Variants in LRGUK observed in about 807,000 individuals in gnomAD.
LRGUK encodes leucine-rich repeat and guanylate kinase domain-containing protein.
Under a neutral mutation model 76.0 loss-of-function variants are expected in LRGUK, and 65 were observed. That is an observed-to-expected ratio of 0.85 (90% CI 0.70 to 1.05). LRGUK has a LOEUF of 1.05. Ranked by LOEUF, LRGUK falls within the 50% of genes least tolerant of loss-of-function variation. The pLI is 0.00. For missense variants in LRGUK, 758 were observed against 732.8 expected, an observed-to-expected ratio of 1.03 and a Z score of -0.40; for synonymous variants, 268 against 265.6, an observed-to-expected ratio of 1.01 and a Z score of -0.09.
At chr7:134,161,312 T>A (rs923773597) in intron 6 of LRGUK, among the ~76,000 whole-genome samples, 6 of 152,260 alleles carry the variant, frequency 3.9e-5, no homozygotes, top group Middle Eastern at 6.8e-3. Flanking sequence ...TTAAGTTTGG[T>A]GTAGTTTTTT....
At chr7:134,234,533 C>G (rs73441376) in intron 16 of LRGUK, among the ~76,000 whole-genome samples, 1 of 152,234 alleles carries the variant, frequency 6.6e-6, no homozygotes, top group African/African-American at 2.4e-5. Flanking sequence ...TATATAATGA[C>G]TATCTTACTG....
chr7:134,276,491 G>C, the LRGUK span, among the ~76,000 whole-genome samples: 4 of 152,148 alleles, frequency 2.6e-5, no homozygotes, highest in South Asian at 6.2e-4. Flanking sequence ...GGGACAGGGT[G>C]GGGGAGATGG....
At chr7:134,224,106 CCTT>C (rs1423147991) in intron 16 of LRGUK, among the ~76,000 whole-genome samples, 2 of 152,176 alleles carry the variant, frequency 1.3e-5, no homozygotes, top group Non-Finnish European at 2.9e-5. Flanking sequence ...GGTATTCCAG[CCTT>C]CTTGGATGGT....
intron 4 of LRGUK, among the ~76,000 whole-genome samples, chr7:134,146,066 G>C (rs995084204): frequency 2.6e-5 from 4 of 152,012 alleles, no homozygotes; most frequent in African/African-American, 9.7e-5. Flanking sequence ...TGAGGTCAGG[G>C]GTTCAAGACC....
chr7:134,201,550 C>G, exon 15 of LRGUK: 1 of 1,613,838 alleles, frequency 6.2e-7, no homozygotes, highest in South Asian at 1.1e-5. Flanking sequence ...ACTGAGGAAC[C>G]TGCCAAGAGT....
intron 15 of LRGUK, among the ~76,000 whole-genome samples, chr7:134,205,236 G>C (rs1025439396): frequency 6.6e-6 from 1 of 152,068 alleles, no homozygotes; most frequent in Admixed American, 6.5e-5. Context: ...TTTACAGAGC[G>C]CTGATTGGTG....
chr7:134,158,306 T>C, intron 6 of LRGUK, 147 bp downstream of exon 6: 1 of 656,222 alleles, frequency 1.5e-6, no homozygotes, highest in Non-Finnish European at 2.4e-6. Context: ...TGCTCCTTTC[T>C]TTACCATTTG....
At chr7:134,159,562 G>A (rs992195849) in intron 6 of LRGUK, among the ~76,000 whole-genome samples, 10 of 152,226 alleles carry the variant, frequency 6.6e-5, no homozygotes, top group East Asian at 5.8e-4. Context: ...AGGCTAAGGC[G>A]GGTGGATCAT....
intron 11 of LRGUK, among the ~76,000 whole-genome samples, chr7:134,191,357 T>C (rs1468486590): frequency 2.0e-5 from 3 of 152,124 alleles, no homozygotes; most frequent in African/African-American, 7.2e-5. Flanking sequence ...GAGTGATAAG[T>C]ATTGATTTAC....
At chr7:134,143,782 GC>G (rs774751596) in intron 4 of LRGUK, among the ~76,000 whole-genome samples, 26 of 152,212 alleles carry the variant, frequency 1.7e-4, no homozygotes, top group Non-Finnish European at 3.5e-4. Flanking sequence ...AGTTTGCTAT[GC>G]CCTAGAGCAG....
chr7:134,143,870 G>A (rs781256505), intron 4 of LRGUK, among the ~76,000 whole-genome samples: 6 of 151,544 alleles, frequency 4.0e-5, no homozygotes, highest in Non-Finnish European at 7.4e-5. Context: ...TTAGGTCTGG[G>A]GTGGGGCCTG....
At chr7:134,221,247 T>G (rs192180574) in intron 15 of LRGUK, among the ~76,000 whole-genome samples, 2 of 152,294 alleles carry the variant, frequency 1.3e-5, no homozygotes, top group East Asian at 3.9e-4. Context: ...CTCCTAGCCC[T>G]CTGTGAATGA....
intron 5 of LRGUK, among the ~76,000 whole-genome samples, chr7:134,153,848 T>C (rs1798337169): frequency 6.6e-6 from 1 of 152,204 alleles, no homozygotes; most frequent in Admixed American, 6.5e-5. Flanking sequence ...ATTGCAGCTC[T>C]CTCCACTAAG....
exon 1 of LRGUK, chr7:134,127,560 C>T: frequency 1.2e-6 from 2 of 1,614,200 alleles, no homozygotes; most frequent in Non-Finnish European, 1.7e-6. Context: ...GCTCCAGCAG[C>T]TCATGCACCG....
rs368341720 is a variant in LRGUK, at chr7:134,161,911, C to A, written c.796-1486C>A. ...GTTTCACCATGTTAGCCAGGATGGT[C>A]TCGATCTCCTGACCTCGTGATCCGC... On this transcript the variant is annotated intron_variant, in intron 6 of 15. Transcript: ENST00000645682. 1.1e-4 allele frequency among the ~76,000 whole-genome samples: 16 copies of A among 152,206 alleles called. No individual in the cohort carries two copies. The South Asian group carries it at 3.3e-3, about 32-fold the overall frequency.
At chr7:134,216,168 C>A (rs944669835) in intron 15 of LRGUK, among the ~76,000 whole-genome samples, 1 of 151,998 alleles carries the variant, frequency 6.6e-6, no homozygotes, top group African/African-American at 2.4e-5. Flanking sequence ...ATACTGAAAA[C>A]CACCCAGAAC....
chr7:134,257,589 T>C (rs1051616092), intron 18 of LRGUK, among the ~76,000 whole-genome samples: 2 of 152,296 alleles, frequency 1.3e-5, no homozygotes, highest in South Asian at 4.1e-4. Context: ...GCTGATCACC[T>C]GAGGTCAGGA....
At chr7:134,272,027 C>A in the LRGUK span, among the ~76,000 whole-genome samples, 1 of 152,002 alleles carries the variant, frequency 6.6e-6, no homozygotes, top group African/African-American at 2.4e-5. Context: ...CTTTTCTAAG[C>A]TGCACTGGAG....
At chr7:134,274,490 T>C in the LRGUK span, among the ~76,000 whole-genome samples, 4 of 152,194 alleles carry the variant, frequency 2.6e-5, no homozygotes, top group Non-Finnish European at 5.9e-5. Flanking sequence ...TAATTCAATT[T>C]TACTGATTAT....
Sources: gnomAD v4.1 joint callset for allele counts (sites outside exome capture counted in the v4.1 genomes callset) on GRCh38, gnomAD v4.1.1 for gene constraint, MANE v1.5 for transcripts, NCBI Gene and HGNC (gene_info 2026-07-23, HGNC 2026-07-21) for gene names.